TTC33: variants seen among roughly 807,000 people sequenced by gnomAD.
TTC33 encodes the protein tetratricopeptide repeat protein 33.
TTC33 carries 24 observed loss-of-function variants against 29.4 expected under a neutral mutation model. That is an observed-to-expected ratio of 0.82 (90% confidence interval 0.59 to 1.15). The LOEUF is 1.15. Ranked by LOEUF, TTC33 falls within the 50% of genes most tolerant of loss-of-function variation. The pLI is 0.00. For missense variants in TTC33, 286 were observed against 310.4 expected (o/e 0.92, Z 0.59); for synonymous variants, 107 against 100.3 (o/e 1.07, Z -0.40).
At position 40,731,886 on chromosome 5, in the gene TTC33, T is replaced by A. The variant is rs181957393; in HGVS notation, c.222-1543A>T. Among the ~76,000 whole-genome samples the A allele has an allele frequency of 3.8e-4, 58 of 152,356 alleles. No homozygotes were observed. The East Asian group carries it at 0.011, about 29-fold the overall frequency. On this transcript the variant is annotated intron_variant, in intron 2 of 4. Coordinates refer to ENST00000337702, the MANE Select transcript of TTC33 (RefSeq NM_012382.3). The stretch of plus-strand genomic sequence containing the variant: ...ACTATGAGTACCACTTCAGACCACA[T>A]AGCAACACTTATATTTCCAAAGCAT...
At chr5:40,740,775 A>G (rs1742675681) in intron 2 of TTC33, among the ~76,000 whole-genome samples, 1 of 152,156 alleles carries the variant, frequency 6.6e-6, no homozygotes, top group Non-Finnish European at 1.5e-5. Context: ...AGATTTACTC[A>G]GTTCCCACCC....
Position 40,714,729 on chromosome 5 carries a change from A to C in TTC33, c.*1416T>G, listed in dbSNP as rs765378192. ...TTCAAGGCAAGTGCTAATTTCTCCA[A>C]CCCTGAAAAGAGATATGCATTCCAA... On this transcript the variant is annotated 3_prime_UTR_variant, in exon 5 of 5. Transcript: ENST00000337702. 1 of 152,254 alleles carries C rather than the reference A, an allele frequency of 6.6e-6. No homozygotes were observed. Among genetic ancestry groups the C allele is most frequent in the Non-Finnish European group, 1.5e-5 (1 of 67,972 alleles). 9.4% of individuals were successfully genotyped at this position (152,254 alleles called of 1,614,324 possible). A position where few individuals can be genotyped will look rare whatever the true frequency, so the allele number is the denominator to read the frequency against.
At chr5:40,737,871 T>A (rs1320749460) in intron 2 of TTC33, among the ~76,000 whole-genome samples, 2 of 152,238 alleles carry the variant, frequency 1.3e-5, no homozygotes, top group East Asian at 3.8e-4. Context: ...TCCCTTAGCA[T>A]GTTTCTGAGA....
chr5:40,718,721 G>A (rs1337183932), intron 4 of TTC33, among the ~76,000 whole-genome samples: 1 of 151,664 alleles, frequency 6.6e-6, no homozygotes, highest in Non-Finnish European at 1.5e-5. Context: ...CTGGGCGACA[G>A]AGCAAGATTC....
chr5:40,718,462 C>T (rs990757439), intron 4 of TTC33, among the ~76,000 whole-genome samples: 1 of 151,112 alleles, frequency 6.6e-6, no homozygotes, highest in South Asian at 2.1e-4. Flanking sequence ...CAGTATTTGG[C>T]CAGGCGTGGT....
intron 4 of TTC33, among the ~76,000 whole-genome samples, chr5:40,717,508 G>C (rs956175874): frequency 4.6e-5 from 7 of 152,138 alleles, no homozygotes; most frequent in Admixed American, 1.3e-4. Flanking sequence ...ATATTTGGCT[G>C]AGTAATTCTT....
At chr5:40,741,007 C>T (rs1040371413) in intron 2 of TTC33, among the ~76,000 whole-genome samples, 1 of 152,078 alleles carries the variant, frequency 6.6e-6, no homozygotes, top group African/African-American at 2.4e-5. Context: ...AGTTGTATTA[C>T]CATTTTAATC....
intron 2 of TTC33, among the ~76,000 whole-genome samples, chr5:40,734,216 A>C (rs1400211841): frequency 6.6e-6 from 1 of 152,220 alleles, no homozygotes; most frequent in African/African-American, 2.4e-5. Context: ...GGGTGGCACC[A>C]CTTAGTTCCT....
intron 1 of TTC33, among the ~76,000 whole-genome samples, chr5:40,751,830 G>A (rs1307280008): frequency 2.6e-5 from 4 of 152,188 alleles, no homozygotes; most frequent in South Asian, 2.1e-4. Context: ...GGTGGCGCAC[G>A]CCTGTAGTCC....
chr5:40,717,182 T>C (rs1410866039), intron 4 of TTC33, among the ~76,000 whole-genome samples: 5 of 135,080 alleles, frequency 3.7e-5, no homozygotes, highest in South Asian at 2.3e-4. Flanking sequence ...TGAGTTGAGA[T>C]CACGCCATTG....
intron 1 of TTC33, among the ~76,000 whole-genome samples, chr5:40,753,535 T>C (rs182178697): frequency 2.0e-5 from 3 of 152,266 alleles, no homozygotes; most frequent in Admixed American, 6.5e-5. Context: ...AGGCCGATCA[T>C]ATTATAGGAG....
intron 2 of TTC33, among the ~76,000 whole-genome samples, chr5:40,742,118 T>C (rs1742707585): frequency 6.6e-6 from 1 of 152,184 alleles, no homozygotes; most frequent in Admixed American, 6.5e-5. Flanking sequence ...TTTATATCTT[T>C]TGTCCAATTT....
chr5:40,727,459 C>A (rs571948606), intron 4 of TTC33, among the ~76,000 whole-genome samples: 68 of 152,348 alleles, frequency 4.5e-4, no homozygotes, highest in African/African-American at 1.6e-3. Flanking sequence ...CTGCTACTAA[C>A]AAGGTATAGT....
rs1308739298 is a variant in TTC33, at chr5:40,713,486, A to G, written c.*2659T>C. 6.6e-6 allele frequency among the ~76,000 whole-genome samples: 1 copy of G among 152,198 alleles called. No homozygotes were observed. Among genetic ancestry groups the G allele is most frequent in the Admixed American group, 6.5e-5 (1 of 15,268 alleles). On this transcript the variant is annotated 3_prime_UTR_variant, in exon 5 of 5. Coordinates refer to ENST00000337702, the MANE Select transcript of TTC33 (RefSeq NM_012382.3). ...TGAAACCACTGCCATAAAATTTTGT[A>G]TGTAGGCCCCAGTTGCAGTAGATCT...
intron 2 of TTC33, among the ~76,000 whole-genome samples, chr5:40,741,886 G>C (rs1742702569): frequency 6.6e-6 from 1 of 152,092 alleles, no homozygotes; most frequent in African/African-American, 2.4e-5. Context: ...CTACTCAGGA[G>C]GCTGAGGCAG....
intron 2 of TTC33, among the ~76,000 whole-genome samples, chr5:40,733,249 A>T (rs991751927): frequency 1.3e-5 from 2 of 152,202 alleles, no homozygotes; most frequent in African/African-American, 4.8e-5. Context: ...AGTCTTTGAC[A>T]GCTTTTGAGG....
chr5:40,722,103 G>A (rs1433007275), intron 4 of TTC33, among the ~76,000 whole-genome samples: 1 of 152,216 alleles, frequency 6.6e-6, no homozygotes, highest in Non-Finnish European at 1.5e-5. Context: ...CTACTCGGGA[G>A]GTGAGGCAGG....
intron 1 of TTC33, among the ~76,000 whole-genome samples, chr5:40,753,775 G>A (rs3792826): frequency 0.063 from 9,578 of 152,190 alleles, 553 homozygotes; most frequent in East Asian, 0.3. Context: ...CACGTTTTCC[G>A]GTTTCAAGAT....
At position 40,714,666 on chromosome 5, in the gene TTC33, A is replaced by C. The variant is rs1741963858; in HGVS notation, c.*1479T>G. ...GAAACTAACCTCTCTAACCAGAGCT[A>C]ATTTTCTGATGATATAACTTAAGGA... On this transcript the variant is annotated 3_prime_UTR_variant, in exon 5 of 5. Transcript: ENST00000337702. 6.6e-6 allele frequency: 1 copy of C among 152,268 alleles called. No homozygotes were observed. The highest frequency in any genetic ancestry group is 2.1e-4 in the South Asian group (1 of 4,836). 9.4% of individuals were successfully genotyped at this position (152,268 alleles called of 1,614,324 possible).
Sources: allele counts gnomAD v4.1 joint callset (sites outside exome capture counted in the v4.1 genomes callset), GRCh38; gene constraint gnomAD v4.1.1; transcripts MANE v1.5; gene names NCBI Gene and HGNC (gene_info 2026-07-23, HGNC 2026-07-21).